The following ABHD6 variants were observed in gnomAD, a reference collection of about 807,000 sequenced individuals.
The protein encoded by ABHD6 is abhydrolase domain containing 6, acylglycerol lipase, also known as monoacylglycerol lipase ABHD6.
Under a neutral mutation model 38.8 loss-of-function variants are expected in ABHD6, and 33 were observed. That is an observed-to-expected ratio of 0.85 (90% confidence interval 0.64 to 1.14). The LOEUF (loss-of-function observed/expected upper bound fraction) is 1.14. ABHD6 is among the 50% of genes most tolerant of loss of function. The pLI is 0.00. For missense variants in ABHD6, 380 were observed against 422.6 expected, an observed-to-expected ratio of 0.90 and a Z score of 0.88; for synonymous variants, 147 against 161.6, an observed-to-expected ratio of 0.91 and a Z score of 0.69.
intron 7 of ABHD6, among the ~76,000 whole-genome samples, chr3:58,278,078 T>C (rs2097450038): frequency 6.6e-6 from 1 of 152,230 alleles, no homozygotes; most frequent in African/African-American, 2.4e-5. Flanking sequence ...TTTTTTGTTG[T>C]GTCTCTGCCA....
intron 6 of ABHD6, among the ~76,000 whole-genome samples, chr3:58,272,146 A>T (rs927613824): frequency 6.6e-6 from 1 of 152,134 alleles, no homozygotes; most frequent in East Asian, 1.9e-4. Context: ...TATCATTTAC[A>T]CATAGTAAAT....
intron 7 of ABHD6, among the ~76,000 whole-genome samples, chr3:58,277,892 A>G (rs2097449891): frequency 6.6e-6 from 1 of 152,222 alleles, no homozygotes; most frequent in South Asian, 2.1e-4. Flanking sequence ...CATTCGTTCT[A>G]TTTATGTGAT....
chr3:58,258,856 G>A (rs1386209819), intron 3 of ABHD6, among the ~76,000 whole-genome samples: 1 of 152,154 alleles, frequency 6.6e-6, no homozygotes, highest in African/African-American at 2.4e-5. Context: ...GGAGTGGGGA[G>A]TTGTGACCCC....
chr3:58,290,386 A>G (rs2097461343), intron 9 of ABHD6, among the ~76,000 whole-genome samples: 2 of 119,720 alleles, frequency 1.7e-5, no homozygotes, highest in Non-Finnish European at 3.4e-5. Context: ...CTGGCCGGGC[A>G]GAGGGGCTCC....
intron 3 of ABHD6, among the ~76,000 whole-genome samples, chr3:58,260,560 G>T (rs1267988365): frequency 6.6e-6 from 1 of 152,176 alleles, no homozygotes; most frequent in Non-Finnish European, 1.5e-5. Context: ...CATTTACACA[G>T]TGGTTGTCAT....
At chr3:58,284,010 C>G (rs3773009) in intron 7 of ABHD6, among the ~76,000 whole-genome samples, 34,627 of 152,132 alleles carry the variant, frequency 0.23, 5,794 homozygotes, top group East Asian at 0.78. Flanking sequence ...AGTCAGTGCA[C>G]AGGACTCCTG....
chr3:58,268,172 A>G (rs184147191), intron 4 of ABHD6, among the ~76,000 whole-genome samples: 20 of 152,328 alleles, frequency 1.3e-4, no homozygotes, highest in Admixed American at 1.3e-3. Flanking sequence ...TGGCTTAGAA[A>G]TCTTTTTACC....
At chr3:58,249,365 C>T (rs1331636815) in intron 1 of ABHD6, among the ~76,000 whole-genome samples, 1 of 152,040 alleles carries the variant, frequency 6.6e-6, no homozygotes, top group Non-Finnish European at 1.5e-5. Context: ...ATTTCCTTTG[C>T]TCATCTCATT....
At chr3:58,283,129 C>G (rs1400006979) in intron 7 of ABHD6, among the ~76,000 whole-genome samples, 1 of 152,206 alleles carries the variant, frequency 6.6e-6, no homozygotes, top group African/African-American at 2.4e-5. Context: ...GAACATGGCT[C>G]AGTTAATAGA....
At chr3:58,286,846 GTGTGTGTA>G (rs1247574944) in intron 9 of ABHD6, among the ~76,000 whole-genome samples, 14 of 90,200 alleles carry the variant, frequency 1.6e-4, no homozygotes, top group East Asian at 9.4e-4. Context: ...GTGTGTGTGT[GTGTGTGTA>G]TATATATATA....
intron 7 of ABHD6, among the ~76,000 whole-genome samples, chr3:58,275,106 A>G (rs1008909205): frequency 9.9e-5 from 15 of 152,096 alleles, no homozygotes; most frequent in African/African-American, 3.4e-4. Flanking sequence ...AGAAATGAAG[A>G]TGGTGTAGTG....
chr3:58,270,864 A>G lies in ABHD6; in HGVS notation c.391-68A>G, dbSNP rs560723190. 6 of 1,508,290 alleles carry G rather than the reference A, an allele frequency of 4.0e-6. No homozygotes were observed. In the South Asian group the frequency reaches 5.4e-5, roughly 14 times the overall value. 93.4% of individuals were successfully genotyped at this position (1,508,290 alleles called of 1,614,324 possible). A position where few individuals can be genotyped will look rare whatever the true frequency, so the allele number is the denominator to read the frequency against. Reference sequence around the variant, plus strand: ...TCCATAGGAAGTCCAGGGGGCTTCTATGCTGTAGTCACCATTGCCATTGTC... The same window carrying G: ...TCCATAGGAAGTCCAGGGGGCTTCTGTGCTGTAGTCACCATTGCCATTGTC... On this transcript the variant is annotated intron_variant, in intron 5 of 9. Transcript: ENST00000478253.
At chr3:58,260,974 A>C (rs1192871102) in intron 3 of ABHD6, among the ~76,000 whole-genome samples, 4 of 152,216 alleles carry the variant, frequency 2.6e-5, no homozygotes, top group Non-Finnish European at 4.4e-5. Context: ...ACCGTGGACT[A>C]TGGCTGCTCC....
rs1178832963 is a variant in ABHD6, at chr3:58,269,542, C to T, written c.390+108C>T. 8.7e-6 allele frequency: 7 copies of T among 807,714 alleles called. No individual in the cohort carries two copies. Among genetic ancestry groups the T allele is most frequent in the Non-Finnish European group, 8.1e-6 (4 of 492,174 alleles). The allele number at this position is 807,714 out of a possible 1,614,324, so 50.0% of individuals were successfully genotyped here. On this transcript the variant is annotated intron_variant, in intron 5 of 9. Transcript: ENST00000478253. This position sits in a 1 kb window ranked among gnomAD's most constrained non-coding sequence, Gnocchi z 4.4. Reference sequence around the variant, plus strand: ...TCCTGTGCTACCTCATGACCAGTCTCCTGTACATTCTGTCTACAAGTGATG... The same window carrying T: ...TCCTGTGCTACCTCATGACCAGTCTTCTGTACATTCTGTCTACAAGTGATG...
At chr3:58,289,040 G>T (rs1489838308) in intron 9 of ABHD6, among the ~76,000 whole-genome samples, 1 of 151,890 alleles carries the variant, frequency 6.6e-6, no homozygotes, top group African/African-American at 2.4e-5. Flanking sequence ...TTTGTTTTTT[G>T]TTGGGCAGGG....
chr3:58,291,241 G>A (rs916466862), intron 9 of ABHD6, among the ~76,000 whole-genome samples: 3 of 150,994 alleles, frequency 2.0e-5, no homozygotes, highest in Admixed American at 6.6e-5. Flanking sequence ...AGTCAGGCGT[G>A]GCAGTGTGCA....
chr3:58,283,004 A>G (rs1038653994), intron 7 of ABHD6, among the ~76,000 whole-genome samples: 1 of 152,220 alleles, frequency 6.6e-6, no homozygotes, highest in Non-Finnish European at 1.5e-5. Flanking sequence ...AGGAGAGTCC[A>G]TGGCTGAGGC....
chr3:58,291,028 G>A (rs35749265), intron 9 of ABHD6, among the ~76,000 whole-genome samples: 4 of 151,358 alleles, frequency 2.6e-5, no homozygotes, highest in African/African-American at 7.3e-5. Flanking sequence ...CAAGGCAGGC[G>A]GCTGGGAGGT....
At chr3:58,248,210 A>T (rs567320027) in intron 1 of ABHD6, among the ~76,000 whole-genome samples, 3 of 152,156 alleles carry the variant, frequency 2.0e-5, no homozygotes, top group Non-Finnish European at 4.4e-5. Flanking sequence ...AATGGTTTAT[A>T]TTTAATTTCT....
Sources: allele counts gnomAD v4.1 joint callset (sites outside exome capture counted in the v4.1 genomes callset), GRCh38; gene constraint gnomAD v4.1.1; non-coding constraint Gnocchi (gnomAD v3.1); transcripts MANE v1.5; gene names NCBI Gene and HGNC (gene_info 2026-07-23, HGNC 2026-07-21).